Variants in H6PD observed in about 807,000 individuals in gnomAD.
H6PD encodes the protein GDH/6PGL endoplasmic bifunctional protein.
Under a neutral mutation model 61.2 loss-of-function variants are expected in H6PD, and 48 were observed. That is an observed-to-expected ratio of 0.78 (90% CI 0.62 to 1.00). H6PD has a LOEUF of 1.00. Ranked by LOEUF, H6PD falls within the 50% of genes least tolerant of loss-of-function variation. The pLI is 0.00. For missense variants in H6PD, 1,093 were observed against 1,065.0 expected (o/e 1.03, Z -0.37); for synonymous variants, 480 against 457.9 (o/e 1.05, Z -0.62).
In H6PD at chr1:9,264,803, C is replaced by A. The variant is rs1023159105; in HGVS notation, c.2310C>A (p.Ile770=). 16 of 1,612,856 alleles carry A rather than the reference C, an allele frequency of 9.9e-6. No individual in the cohort carries two copies. The highest frequency in any genetic ancestry group is 1.4e-5 in the Non-Finnish European group (16 of 1,180,034). Residue 770 remains isoleucine (I), a synonymous_variant, in exon 5 of 5, where the codon ATC becomes ATA. Coordinates refer to ENST00000377403, the MANE Select transcript of H6PD (RefSeq NM_004285.4). ...RVGHEPKKWP[I]SGVLPHSGQL... ...GCCATGAGCCCAAGAAGTGGCCCAT[C>A]TCGGGTGTCCTGCCGCACTCCGGCC... is the stretch of plus-strand genomic sequence containing the variant.
Position 9,264,455 on chromosome 1 carries a change from G to A in H6PD, c.1962G>A (p.Met654Ile). ...VRIPYYNIHPMPVHLQQRLCA... is the reference protein window; with the variant it reads ...VRIPYYNIHPIPVHLQQRLCA... ...TCCCCTACTACAACATCCACCCCAT[G>A]CCTGTGCACCTGCAGCAGCGGCTCT... The change falls in exon 5 of 5, where the codon ATG becomes ATA. Residue 654 changes from methionine (M) to isoleucine (I), a missense_variant. By Grantham distance (10) the Met-to-Ile change is conservative. Transcript: ENST00000377403. 6.2e-7 allele frequency: 1 copy of A among 1,613,304 alleles called. No individual in the cohort carries two copies. The highest frequency in any genetic ancestry group is 8.5e-7 in the Non-Finnish European group (1 of 1,179,980).
intron 1 of H6PD, 37 bp from the exon 2 acceptor site, chr1:9,244,888 C>T (rs1230216416): frequency 6.2e-7 from 1 of 1,603,888 alleles, no homozygotes; most frequent in Non-Finnish European, 8.5e-7. Flanking sequence ...ATGTCTGATC[C>T]TTCCTTGTTC....
chr1:9,248,554 TCGGGGGC>T (rs1641258041), intron 3 of H6PD, among the ~76,000 whole-genome samples: 1 of 151,934 alleles, frequency 6.6e-6, no homozygotes, highest in Non-Finnish European at 1.5e-5. Flanking sequence ...TCCCAGCTAC[TCGGGGGC>T]AGAGGCGGGA....
Position 9,263,855 on chromosome 1 carries a change from G to A in H6PD, c.1362G>A (p.Glu454=). The A allele has an allele frequency of 6.2e-7, 1 of 1,614,030 alleles. No homozygotes were observed. Among genetic ancestry groups the A allele is most frequent in the Non-Finnish European group, 8.5e-7 (1 of 1,180,012 alleles). ...SDYYAYSPVR[E]RDAHSVLLSH... ...ACTACGCCTACAGCCCTGTGCGGGAGCGGGACGCCCACTCCGTCCTCTTAT... is the reference window on the plus strand; with the variant it reads ...ACTACGCCTACAGCCCTGTGCGGGAACGGGACGCCCACTCCGTCCTCTTAT... Residue 454 remains glutamate, a synonymous_variant, in exon 5 of 5, where the codon GAG becomes GAA. Coordinates refer to ENST00000377403, the MANE Select transcript of H6PD (RefSeq NM_004285.4).
At position 9,245,059 on chromosome 1, in the gene H6PD, T is replaced by C. The variant is rs1340364931; in HGVS notation, c.125T>C (p.Leu42Ser). The change falls in exon 2 of 5, where the codon TTA becomes TCA. Residue 42 changes from leucine to serine, a missense_variant. By Grantham distance (145) the Leu-to-Ser change is moderately radical. Transcript: ENST00000377403. This position sits in a 1 kb window ranked among gnomAD's most constrained non-coding sequence, Gnocchi z 4.8. Reference sequence around the variant, plus strand: ...ACTGGGGACCTGGCTAAGAAGTACTTATGGCAGGGACTGTTCCAGCTGTAC... The same window carrying C: ...ACTGGGGACCTGGCTAAGAAGTACTCATGGCAGGGACTGTTCCAGCTGTAC... Reference protein sequence around the residue: ...GATGDLAKKYLWQGLFQLYLD... With the variant: ...GATGDLAKKYSWQGLFQLYLD... The C allele has an allele frequency of 1.2e-6, 2 of 1,614,082 alleles. No homozygotes were observed.
rs754564606 is a variant in H6PD at position 9,247,060 on chromosome 1, T to G, written c.722T>G (p.Met241Arg). 4 of 1,612,638 alleles carry G rather than the reference T, an allele frequency of 2.5e-6. No individual in the cohort carries two copies. Among genetic ancestry groups the G allele is most frequent in the Non-Finnish European group, 3.4e-6 (4 of 1,178,754 alleles). ...CATGTGGAGCGGGTGGAGATCATCATGAAAGAGACCGTGGATGCTGAAGGT... is the reference window on the plus strand; with the variant it reads ...CATGTGGAGCGGGTGGAGATCATCAGGAAAGAGACCGTGGATGCTGAAGGT... ...RHHVERVEII[M>R]KETVDAEGRT... Residue 241 changes from methionine (M) to arginine (R), a missense_variant, in exon 3 of 5, where the codon ATG becomes AGG. Coordinates refer to ENST00000377403, the MANE Select transcript of H6PD (RefSeq NM_004285.4).
rs564496627 is a variant in H6PD at position 9,259,131 on chromosome 1, A to G, written c.746-2928A>G. The stretch of plus-strand genomic sequence containing the variant: ...CTCAGCCTCCCAAGTAGCTGGGACT[A>G]CAGGCGCCCGCCACCACGCCCAGCT... On this transcript the variant is annotated intron_variant, in intron 3 of 4. Transcript: ENST00000377403. Among the ~76,000 whole-genome samples the G allele has an allele frequency of 9.0e-4, 137 of 152,332 alleles. 1 individual carries two copies. Among genetic ancestry groups the G allele is most frequent in the African/African-American group, 3.2e-3 (132 of 41,566 alleles).
chr1:9,264,241 G>A lies in H6PD; in HGVS notation c.1748G>A (p.Gly583Asp), dbSNP rs200495395. ...ATAVRAVRRF[G>D]QFHLALSGGS... ...GCTGTGCGAGCCGTGCGGCGCTTTGGCCAGTTCCACCTGGCACTGTCGGGG... is the reference window on the plus strand; with the variant it reads ...GCTGTGCGAGCCGTGCGGCGCTTTGACCAGTTCCACCTGGCACTGTCGGGG... The change falls in exon 5 of 5, where the codon GGC becomes GAC. Residue 583 changes from glycine (G) to aspartate (D), a missense_variant. Transcript: ENST00000377403. The A allele has an allele frequency of 4.0e-4, 650 of 1,610,242 alleles. No homozygotes were observed. The highest frequency in any genetic ancestry group is 5.3e-4 in the Non-Finnish European group (627 of 1,179,152).
chr1:9,246,917 T>A, intron 2 of H6PD, 49 bp from the exon 3 acceptor site: 1 of 1,326,868 alleles, frequency 7.5e-7, no homozygotes, highest in Non-Finnish European at 1.1e-6. Flanking sequence ...GGGTTCCTCC[T>A]TCATCGTGAG....
At position 9,260,276 on chromosome 1, in the gene H6PD, G is replaced by A. The variant is rs538473385; in HGVS notation, c.746-1783G>A. Among the ~76,000 whole-genome samples, 175 of 147,438 alleles carry A rather than the reference G, an allele frequency of 1.2e-3. 1 individual carries two copies. Among genetic ancestry groups the A allele is most frequent in the African/African-American group, 4.3e-3 (164 of 38,166 alleles). On this transcript the variant is annotated intron_variant, in intron 3 of 4. Coordinates refer to ENST00000377403, the MANE Select transcript of H6PD (RefSeq NM_004285.4). ...ACCAGTGCTGTTATGTTGTCGTTAC[G>A]CCAGTGCTGTTATGTTGCTGTTGTT...
rs941342427 is a variant in H6PD, at chr1:9,261,758, C to A, written c.746-301C>A. Among the ~76,000 whole-genome samples, 15 of 152,388 alleles carry A rather than the reference C, an allele frequency of 9.8e-5. No individual in the cohort carries two copies. The East Asian group carries it at 1.2e-3, about 12-fold the overall frequency. The stretch of plus-strand genomic sequence containing the variant: ...GGCGGGGCGAGGGGCTGGCCAGTAT[C>A]TACAGAGGCAATCTGGCCTTTGCTG... On this transcript the variant is annotated intron_variant, in intron 3 of 4. Transcript: ENST00000377403.
chr1:9,251,876 CT>C (rs59997183), intron 3 of H6PD, among the ~76,000 whole-genome samples: 32,151 of 139,156 alleles, frequency 0.23, 3,710 homozygotes, highest in East Asian at 0.44. Context: ...TCTTAGTTGT[CT>C]TTTTTTTTTT....
intron 1 of H6PD, among the ~76,000 whole-genome samples, chr1:9,243,323 A>G (rs774355601): frequency 6.6e-6 from 1 of 152,136 alleles, no homozygotes; most frequent in South Asian, 2.1e-4. Context: ...TTAAACCTCA[A>G]CTTCTCCATT....
chr1:9,250,455 C>T (rs928695632), intron 3 of H6PD, among the ~76,000 whole-genome samples: 1 of 145,974 alleles, frequency 6.9e-6, no homozygotes, highest in Admixed American at 6.8e-5. Flanking sequence ...CCACTCCCCA[C>T]CCTACACACA....
chr1:9,240,685 G>T (rs2100310289), intron 1 of H6PD, among the ~76,000 whole-genome samples: 1 of 152,298 alleles, frequency 6.6e-6, no homozygotes. Context: ...TTAATTTTTT[G>T]AGCAGAAGTG....
In H6PD at chr1:9,246,957, C is replaced by G. The variant is rs371552057; in HGVS notation, c.628-9C>G. 1.3e-5 allele frequency: 20 copies of G among 1,594,876 alleles called. No individual in the cohort carries two copies. The African/African-American group carries it at 2.1e-4, about 17-fold the overall frequency. Reference sequence around the variant, plus strand: ...TCCTGCAGCACGCCCAGTCTTCCCCCCCCGACAGGCTGTGGCGCAGATCCT... The same window carrying G: ...TCCTGCAGCACGCCCAGTCTTCCCCGCCCGACAGGCTGTGGCGCAGATCCT... On this transcript the variant is annotated splice_polypyrimidine_tract_variant and intron_variant, in intron 2 of 4. Transcript: ENST00000377403.
intron 1 of H6PD, among the ~76,000 whole-genome samples, chr1:9,240,366 A>C (rs199820603): frequency 6.6e-6 from 1 of 152,282 alleles, no homozygotes; most frequent in African/African-American, 2.4e-5. Context: ...TGCAGAGGTC[A>C]AGGCTCGAAG....
chr1:9,270,132 G>A lies in H6PD; in HGVS notation c.*5263G>A, dbSNP rs1372638264. The A allele has an allele frequency of 6.6e-6, 1 of 152,670 alleles. No individual in the cohort carries two copies. The highest frequency in any genetic ancestry group is 2.1e-4 in the South Asian group (1 of 4,832). The allele number at this position is 152,670 out of a possible 1,614,324, so 9.5% of individuals were successfully genotyped here. A position where few individuals can be genotyped will look rare whatever the true frequency, so the allele number is the denominator to read the frequency against. On this transcript the variant is annotated 3_prime_UTR_variant, in exon 5 of 5. Coordinates refer to ENST00000377403, the MANE Select transcript of H6PD (RefSeq NM_004285.4). ...GCCTGTCTCTGTGTGACCCACGAAC[G>A]GGAAGGGAGAGCACTGGAGTAATGA...
At chr1:9,247,510 C>T (rs1359840706) in intron 3 of H6PD, among the ~76,000 whole-genome samples, 1 of 152,124 alleles carries the variant, frequency 6.6e-6, no homozygotes, top group Non-Finnish European at 1.5e-5. Flanking sequence ...TGTTAGTTCT[C>T]AGCTCCATGG....
Sources: allele counts gnomAD v4.1 joint callset (sites outside exome capture counted in the v4.1 genomes callset), GRCh38; gene constraint gnomAD v4.1.1; non-coding constraint Gnocchi (gnomAD v3.1); transcripts MANE v1.5; gene names NCBI Gene and HGNC (gene_info 2026-07-23, HGNC 2026-07-21).